The following RNF19B variants were observed in gnomAD, a reference collection of about 807,000 sequenced individuals.
RNF19B encodes E3 ubiquitin-protein ligase RNF19B.
In RNF19B, 23 loss-of-function variants were observed where a neutral mutation model predicts 65.5. The ratio of observed to expected loss-of-function variants is 0.35; its 90% CI spans 0.25 to 0.50. RNF19B has a LOEUF of 0.50. RNF19B is among the 20% of genes least tolerant of loss of function. The pLI is 0.98. For missense variants in RNF19B, 794 were observed against 980.0 expected, an observed-to-expected ratio of 0.81 and a Z score of 2.53; for synonymous variants, 372 against 379.6, an observed-to-expected ratio of 0.98 and a Z score of 0.23.
chr1:32,955,238 T>C (rs1642606688), intron 1 of RNF19B, among the ~76,000 whole-genome samples: 1 of 152,062 alleles, frequency 6.6e-6, no homozygotes, highest in Admixed American at 6.6e-5. Flanking sequence ...TTTTGGTTGT[T>C]TGACCTTCCC....
Position 32,964,367 on chromosome 1 carries a change from C to G in RNF19B, c.319G>C (p.Ala107Pro), listed in dbSNP as rs1160892749. The G allele has an allele frequency of 1.6e-5, 22 of 1,404,534 alleles. No homozygotes were observed. The highest frequency in any genetic ancestry group is 2.0e-5 in the Non-Finnish European group (22 of 1,080,332). The allele number at this position is 1,404,534 out of a possible 1,614,324, so 87.0% of individuals were successfully genotyped here. A position where few individuals can be genotyped will look rare whatever the true frequency, so the allele number is the denominator to read the frequency against. ...TCCGCGCCCGGGCCACCGCCCTCCG[C>G]CGCCTCCTCATCGTCGAACCCAGGC... ...AEPGFDDEEAAEGGGPGAEEV... is the reference protein window; with the variant it reads ...AEPGFDDEEAPEGGGPGAEEV... The change falls in exon 1 of 9, where the codon GCG becomes CCG. Residue 107 changes from alanine (A) to proline (P), a missense_variant. This residue lies in a region of RNF19B where 374 missense variants were observed against 423.8 expected (regional missense o/e 0.88). Coordinates refer to ENST00000235150, the MANE Select transcript of RNF19B (RefSeq NM_001300826.2). The surrounding 1 kb of genome is among the most constrained non-coding windows in gnomAD (Gnocchi z 6.5).
Position 32,964,304 on chromosome 1 carries a change from G to A in RNF19B, c.382C>T (p.Pro128Ser), listed in dbSNP as rs1371188120. The A allele has an allele frequency of 2.6e-6, 4 of 1,516,822 alleles. No individual in the cohort carries two copies. Among genetic ancestry groups the A allele is most frequent in the South Asian group, 1.2e-5 (1 of 81,426 alleles). 94.0% of individuals were successfully genotyped at this position (1,516,822 alleles called of 1,614,324 possible). ...ECPLCLVRLP[P>S]ERAPRLLSCP... ...CTGAGGAGGCGCGGGGCCCGCTCAG[G>A]CGGCAGCCGCACCAGGCACAGCGGA... Residue 128 changes from proline (P) to serine (S), a missense_variant, in exon 1 of 9, where the codon CCT becomes TCT. Physicochemically the swap from Pro to Ser is moderately conservative, Grantham distance 74. Coordinates refer to ENST00000235150, the MANE Select transcript of RNF19B (RefSeq NM_001300826.2). This position sits in a 1 kb window ranked among gnomAD's most constrained non-coding sequence, Gnocchi z 6.5.
At position 32,936,955 on chromosome 1, in the gene RNF19B, C is replaced by G. The variant is rs1342131971; in HGVS notation, c.2047G>C (p.Glu683Gln). The G allele has an allele frequency of 6.2e-7, 1 of 1,613,884 alleles. No homozygotes were observed. The highest frequency in any genetic ancestry group is 8.5e-7 in the Non-Finnish European group (1 of 1,179,992). ...GTATGGGAGCGGGGGGAGCCACACT[C>G]ATCTGAGGTGATGTCTGGCACATCG... Reference protein sequence around the residue: ...SDDVPDITSDECGSPRSHTAA... With the variant: ...SDDVPDITSDQCGSPRSHTAA... The change falls in exon 9 of 9, where the codon GAG becomes CAG. Residue 683 changes from glutamate to glutamine, a missense_variant. Physicochemically the swap from Glu to Gln is conservative, Grantham distance 29. Coordinates refer to ENST00000235150, the MANE Select transcript of RNF19B (RefSeq NM_001300826.2).
downstream of RNF19B, among the ~76,000 whole-genome samples, chr1:32,935,666 C>T (rs1642086215): frequency 6.6e-6 from 1 of 152,172 alleles, no homozygotes; most frequent in African/African-American, 2.4e-5. Flanking sequence ...ACACCTATGT[C>T]ATTGCTTTGT....
chr1:32,935,042 G>A (rs1642074385), downstream of RNF19B, among the ~76,000 whole-genome samples: 1 of 151,948 alleles, frequency 6.6e-6, no homozygotes, highest in African/African-American at 2.4e-5. Flanking sequence ...ATGTTGGCCA[G>A]GATGGTCTTG....
rs1230778386 is a variant in RNF19B at position 32,949,634 on chromosome 1, G to A, written c.776C>T (p.Ala259Val). The change falls in exon 2 of 9, where the codon GCC becomes GTC. Residue 259 changes from alanine to valine, a missense_variant. Transcript: ENST00000235150. ...TTTGGTCCGAACTCGTAAAGTCTGG[G>A]CCCTCTGTTGACGGGCCATATCGCA... ...QTCDMARQQR[A>V]QTLRVRTKHT... 5 of 1,613,702 alleles carry A rather than the reference G, an allele frequency of 3.1e-6. No individual in the cohort carries two copies. The highest frequency in any genetic ancestry group is 2.5e-6 in the Non-Finnish European group (3 of 1,180,014).
intron 1 of RNF19B, among the ~76,000 whole-genome samples, chr1:32,963,696 C>T (rs1450554340): frequency 6.9e-6 from 1 of 145,786 alleles, no homozygotes; most frequent in African/African-American, 2.6e-5. Flanking sequence ...CCAGCCTGGG[C>T]GGCAGGGCGA....
At chr1:32,947,857 G>C (rs1642404454) in intron 3 of RNF19B, among the ~76,000 whole-genome samples, 3 of 151,994 alleles carry the variant, frequency 2.0e-5, no homozygotes, top group Admixed American at 2.0e-4. Context: ...AAAAAGGAGA[G>C]GCAACATGGA....
In RNF19B at chr1:32,964,778, G is replaced by C; in HGVS notation, c.-93C>G. On this transcript the variant is annotated 5_prime_UTR_variant, in exon 1 of 9. Transcript: ENST00000235150. This position sits in a 1 kb window ranked among gnomAD's most constrained non-coding sequence, Gnocchi z 6.5. ...CCAGCGCCCGGCCGCCGCCGACGCC[G>C]CCACCACCGCCTCAACCGCCCTCCC... 1 of 1,162,202 alleles carries C rather than the reference G, an allele frequency of 8.6e-7. No homozygotes were observed. The highest frequency in any genetic ancestry group is 2.2e-5 in the South Asian group (1 of 46,392). The allele number at this position is 1,162,202 out of a possible 1,614,324, so 72.0% of individuals were successfully genotyped here.
chr1:32,949,398 A>T (rs1342924465), intron 2 of RNF19B, among the ~76,000 whole-genome samples, 171 bp downstream of exon 2: 3 of 152,364 alleles, frequency 2.0e-5, no homozygotes, highest in African/African-American at 4.8e-5. Flanking sequence ...TATAATGGTC[A>T]GAGAGGGAAG....
chr1:32,963,278 T>C (rs1642814601), intron 1 of RNF19B, among the ~76,000 whole-genome samples: 1 of 152,072 alleles, frequency 6.6e-6, no homozygotes, highest in East Asian at 1.9e-4. Flanking sequence ...CTTTCAGCGG[T>C]GGTTGTCAGG....
intron 1 of RNF19B, among the ~76,000 whole-genome samples, chr1:32,963,117 T>C (rs529896011): frequency 1.3e-5 from 2 of 152,124 alleles, no homozygotes; most frequent in Admixed American, 6.6e-5. Flanking sequence ...AGTGCCCCCA[T>C]TGAGACTCTG....
At chr1:32,938,992 CTTTCT>C (rs746194827) in intron 7 of RNF19B, among the ~76,000 whole-genome samples, 61 of 152,088 alleles carry the variant, frequency 4.0e-4, no homozygotes, top group South Asian at 4.1e-4. Flanking sequence ...ACTCTGAATT[CTTTCT>C]TTCTTTAAAT....
chr1:32,942,011 C>T (rs146387555), intron 7 of RNF19B, among the ~76,000 whole-genome samples: 10,313 of 152,062 alleles, frequency 0.068, 506 homozygotes, highest in Admixed American at 0.14. Flanking sequence ...GCAGGAGAAT[C>T]GCTTGAACCC....
intron 4 of RNF19B, among the ~76,000 whole-genome samples, chr1:32,945,833 C>T (rs183150897): frequency 3.9e-5 from 6 of 152,096 alleles, no homozygotes; most frequent in Admixed American, 3.9e-4. Flanking sequence ...CAAAAAGAGA[C>T]AAAATAACTC....
intron 1 of RNF19B, among the ~76,000 whole-genome samples, chr1:32,954,335 T>C (rs1183412275): frequency 6.6e-6 from 1 of 151,968 alleles, no homozygotes; most frequent in Non-Finnish European, 1.5e-5. Flanking sequence ...CACAGCAATC[T>C]ATTACTACGA....
chr1:32,934,989 G>A (rs577814526), downstream of RNF19B, among the ~76,000 whole-genome samples: 12 of 151,198 alleles, frequency 7.9e-5, no homozygotes, highest in Admixed American at 4.6e-4. Context: ...GCGCCACCAC[G>A]CCCAGCTAAT....
chr1:32,956,695 TA>T (rs1642647204), intron 1 of RNF19B, among the ~76,000 whole-genome samples: 1 of 152,160 alleles, frequency 6.6e-6, no homozygotes, highest in Non-Finnish European at 1.5e-5. Context: ...AGAAACTTCA[TA>T]AAGTGACAAG....
chr1:32,949,848 T>C (rs1351388405), intron 1 of RNF19B, 74 bp from the exon 2 acceptor site: 54 of 1,194,898 alleles, frequency 4.5e-5, no homozygotes, highest in Non-Finnish European at 7.3e-6. Context: ...TTCATCAGAG[T>C]TAACAATGTT....
Sources: gnomAD v4.1 joint callset for allele counts (sites outside exome capture counted in the v4.1 genomes callset) on GRCh38, gnomAD v4.1.1 for gene constraint, gnomAD v4.1.1 regional missense constraint, Gnocchi (gnomAD v3.1) non-coding constraint, MANE v1.5 for transcripts, NCBI Gene and HGNC (gene_info 2026-07-23, HGNC 2026-07-21) for gene names.